ADARB2: variants seen among roughly 807,000 people sequenced by gnomAD.
The protein encoded by ADARB2 is adenosine deaminase RNA specific B2 (inactive).
In ADARB2, 25 loss-of-function variants were observed where a neutral mutation model predicts 62.2. The observed-to-expected ratio is 0.40, with a 90% CI of 0.29 to 0.56. ADARB2 has a LOEUF of 0.56. ADARB2 is among the 20% of genes least tolerant of loss of function. The pLI, the probability that ADARB2 is intolerant of heterozygous loss-of-function variation, is 0.43. For missense variants in ADARB2, 1,071 were observed against 1,077.4 expected (o/e 0.99, Z 0.08); for synonymous variants, 572 against 500.8 (o/e 1.14, Z -1.90).
intron 1 of ADARB2, among the ~76,000 whole-genome samples, chr10:1,434,670 T>C (rs1830815596): frequency 6.6e-6 from 1 of 152,140 alleles, no homozygotes; most frequent in Non-Finnish European, 1.5e-5. Context: ...GCAGACAAGA[T>C]AAGGGTAATC....
chr10:1,194,142 C>G (rs1259600710), intron 8 of ADARB2, among the ~76,000 whole-genome samples: 2 of 152,168 alleles, frequency 1.3e-5, no homozygotes, highest in Non-Finnish European at 2.9e-5. Context: ...CTGTAGCACC[C>G]AACTAGATTA....
chr10:1,685,123 C>T (rs1049138645), intron 1 of ADARB2, among the ~76,000 whole-genome samples: 2 of 152,194 alleles, frequency 1.3e-5, no homozygotes, highest in African/African-American at 4.8e-5. Context: ...AGGAATGAAG[C>T]CAGATTCTCT....
chr10:1,372,743 T>C (rs1309312111), intron 2 of ADARB2, among the ~76,000 whole-genome samples: 1 of 152,220 alleles, frequency 6.6e-6, no homozygotes, highest in Non-Finnish European at 1.5e-5. Flanking sequence ...GAATTGGTGA[T>C]TCCTTTAGTC....
At chr10:1,494,487 T>G (rs1831663978) in intron 1 of ADARB2, among the ~76,000 whole-genome samples, 1 of 152,186 alleles carries the variant, frequency 6.6e-6, no homozygotes, top group Non-Finnish European at 1.5e-5. Context: ...TGACCCTTTG[T>G]TCTACTTTTT....
rs1373819524 is a variant in ADARB2 at position 1,458,500 on chromosome 10, G to A, written c.101-79340C>T. Among the ~76,000 whole-genome samples the A allele has an allele frequency of 2.6e-5, 4 of 152,206 alleles. No individual in the cohort carries two copies. In the East Asian group the frequency reaches 5.8e-4, roughly 22 times the overall value. ...GAAAAAAAGAAAGTCAAGAAGCCCT[G>A]CTCAAGAACTGACAATGCCCCTCTT... On this transcript the variant is annotated intron_variant, in intron 1 of 9. Transcript: ENST00000381312.
intron 1 of ADARB2, among the ~76,000 whole-genome samples, chr10:1,484,331 C>T (rs976808366): frequency 5.3e-5 from 8 of 152,224 alleles, no homozygotes; most frequent in Non-Finnish European, 8.8e-5. Context: ...TGCACCCTCA[C>T]GTTAAACACT....
intron 1 of ADARB2, among the ~76,000 whole-genome samples, chr10:1,506,458 C>T (rs528698662): frequency 6.6e-6 from 1 of 152,324 alleles, no homozygotes; most frequent in South Asian, 2.1e-4. Flanking sequence ...TCCCAAGCAC[C>T]AGACACCAGC....
At chr10:1,602,920 T>C (rs945523866) in intron 1 of ADARB2, among the ~76,000 whole-genome samples, 11 of 151,194 alleles carry the variant, frequency 7.3e-5, no homozygotes, top group African/African-American at 2.0e-4. Context: ...CACCTGTATA[T>C]ACATAGATGC....
At chr10:1,456,212 A>AGAACGGAAACC (rs1445764051) in intron 1 of ADARB2, among the ~76,000 whole-genome samples, 1 of 152,220 alleles carries the variant, frequency 6.6e-6, no homozygotes, top group East Asian at 1.9e-4. Context: ...TCTACTAGTA[A>AGAACGGAAACC]GAACGGAAAC....
intron 1 of ADARB2, among the ~76,000 whole-genome samples, chr10:1,568,034 C>CTCACAGGAAACTTAAACAGGT (rs1832879808): frequency 6.6e-6 from 1 of 152,258 alleles, no homozygotes; most frequent in Non-Finnish European, 1.5e-5. Flanking sequence ...TTCTCTCTAA[C>CTCACAGGAAACTTAAACAGGT]TCACAGGAAA....
chr10:1,481,666 G>A (rs1409978661), intron 1 of ADARB2, among the ~76,000 whole-genome samples: 1 of 151,948 alleles, frequency 6.6e-6, no homozygotes, highest in African/African-American at 2.4e-5. Flanking sequence ...AGACCAGCCT[G>A]GCCAACATGG....
intron 6 of ADARB2, among the ~76,000 whole-genome samples, chr10:1,229,187 G>A (rs188600299): frequency 6.6e-6 from 1 of 152,334 alleles, no homozygotes; most frequent in East Asian, 1.9e-4. Context: ...TTATGATCTA[G>A]ACAAATGTTT....
At chr10:1,248,427 CCAAA>C (rs1035355856) in intron 4 of ADARB2, among the ~76,000 whole-genome samples, 4 of 152,006 alleles carry the variant, frequency 2.6e-5, no homozygotes, top group Non-Finnish European at 4.4e-5. Flanking sequence ...CTCCAGCTGA[CCAAA>C]CAGGAAGCTC....
intron 1 of ADARB2, among the ~76,000 whole-genome samples, chr10:1,728,422 T>G (rs778001487): frequency 2.0e-5 from 3 of 152,240 alleles, no homozygotes; most frequent in Non-Finnish European, 2.9e-5. Context: ...CTGCTGCTGT[T>G]CTAGAGCTGG....
chr10:1,252,099 C>G (rs1007983637), intron 4 of ADARB2, among the ~76,000 whole-genome samples: 2 of 152,310 alleles, frequency 1.3e-5, no homozygotes, highest in Admixed American at 1.3e-4. Flanking sequence ...TGGGAATGGG[C>G]TTTTATTATT....
intron 1 of ADARB2, among the ~76,000 whole-genome samples, chr10:1,579,338 G>C (rs192270885): frequency 6.6e-6 from 1 of 152,182 alleles, no homozygotes; most frequent in Non-Finnish European, 1.5e-5. Context: ...ATGGTTATGT[G>C]TGCCGCTGAA....
At position 1,278,289 on chromosome 10, in the gene ADARB2, CTTTTT is replaced by C. The variant is rs76796387; in HGVS notation, c.1078-7225_1078-7221del. ...AGCCACCACACCCGGTCCTTTTTTT[CTTTTT>C]TTTTTTTTAAGTTTCAACTTATATT... On this transcript the variant is annotated intron_variant, in intron 3 of 9. Coordinates refer to ENST00000381312, the MANE Select transcript of ADARB2 (RefSeq NM_018702.4). 4.9e-3 allele frequency among the ~76,000 whole-genome samples: 695 copies of C among 141,470 alleles called. 4 individuals carry two copies. The highest frequency in any genetic ancestry group is 0.036 in the Middle Eastern group (10 of 278). 92.8% of individuals were successfully genotyped at this position (141,470 alleles called of 152,430 possible). A position where few individuals can be genotyped will look rare whatever the true frequency, so the allele number is the denominator to read the frequency against.
chr10:1,219,803 A>AATGGTGATG (rs1361673822), intron 6 of ADARB2, among the ~76,000 whole-genome samples: 1 of 149,662 alleles, frequency 6.7e-6, no homozygotes, highest in Non-Finnish European at 1.5e-5. Flanking sequence ...TAATGATGGC[A>AATGGTGATG]ATGGTGATGA....
intron 8 of ADARB2, among the ~76,000 whole-genome samples, chr10:1,188,587 C>T (rs1399812030): frequency 7.1e-6 from 1 of 140,294 alleles, no homozygotes; most frequent in South Asian, 2.3e-4. Context: ...AATAGCAGTC[C>T]TTTTTTTTTT....
Sources: gnomAD v4.1 joint callset for allele counts (sites outside exome capture counted in the v4.1 genomes callset) on GRCh38, gnomAD v4.1.1 for gene constraint, MANE v1.5 for transcripts, NCBI Gene and HGNC (gene_info 2026-07-23, HGNC 2026-07-21) for gene names.